GRIK4: variants seen among roughly 807,000 people sequenced by gnomAD.
GRIK4 encodes glutamate receptor ionotropic, kainate 4.
In GRIK4, 40 loss-of-function variants were observed where a neutral mutation model predicts 104.9. The ratio of observed to expected loss-of-function variants is 0.38; its 90% CI spans 0.30 to 0.50. GRIK4 has a LOEUF of 0.50. Ranked by LOEUF, GRIK4 falls within the 20% of genes least tolerant of loss-of-function variation. The pLI, the probability that GRIK4 is intolerant of heterozygous loss-of-function variation, is 0.93. For missense variants in GRIK4, 1,047 were observed against 1,308.1 expected (o/e 0.80, Z 3.08); for synonymous variants, 485 against 524.9 (o/e 0.92, Z 1.04).
chr11:120,848,672 G>T (rs1282881822), intron 8 of GRIK4, among the ~76,000 whole-genome samples: 1 of 152,160 alleles, frequency 6.6e-6, no homozygotes, highest in Non-Finnish European at 1.5e-5. Flanking sequence ...TATCCAGGGG[G>T]GAAATGAGGC....
intron 3 of GRIK4, among the ~76,000 whole-genome samples, chr11:120,752,999 G>T (rs550141448): frequency 6.6e-6 from 1 of 152,354 alleles, no homozygotes; most frequent in Admixed American, 6.5e-5. Context: ...CCTCTCCCTT[G>T]TGGCCTTCAA....
At chr11:120,818,172 G>A (rs1301592153) in intron 5 of GRIK4, among the ~76,000 whole-genome samples, 1 of 152,220 alleles carries the variant, frequency 6.6e-6, no homozygotes, top group Non-Finnish European at 1.5e-5. Context: ...GTACTAGGGG[G>A]TGCTAAGGGG....
chr11:120,825,972 G>A (rs1953247752), intron 6 of GRIK4, among the ~76,000 whole-genome samples: 3 of 152,236 alleles, frequency 2.0e-5, no homozygotes, highest in South Asian at 4.1e-4. Context: ...CCTGTGGGAG[G>A]CCTTTTGCTC....
intron 1 of GRIK4, among the ~76,000 whole-genome samples, chr11:120,534,611 T>C (rs1240447341): frequency 6.6e-6 from 1 of 152,054 alleles, no homozygotes; most frequent in Non-Finnish European, 1.5e-5. Flanking sequence ...TGGGGGATAG[T>C]CCATGGTGGA....
intron 1 of GRIK4, among the ~76,000 whole-genome samples, chr11:120,514,446 C>T (rs12361023): frequency 0.15 from 22,116 of 152,182 alleles, 2,205 homozygotes; most frequent in Middle Eastern, 0.23. Context: ...GGCCCCTGGA[C>T]GCTCAGTCCA....
At chr11:120,592,560 ATGTTTCTCT>A (rs963208334) in intron 1 of GRIK4, among the ~76,000 whole-genome samples, 1 of 152,016 alleles carries the variant, frequency 6.6e-6, no homozygotes, top group Non-Finnish European at 1.5e-5. Flanking sequence ...TTATCGAATG[ATGTTTCTCT>A]TGTGGACTCC....
At chr11:120,863,530 A>G (rs923151344) in intron 9 of GRIK4, among the ~76,000 whole-genome samples, 1 of 152,258 alleles carries the variant, frequency 6.6e-6, no homozygotes, top group Non-Finnish European at 1.5e-5. Context: ...TATTTGTTGA[A>G]TGAATGAGTG....
At chr11:120,556,548 T>C (rs745384231) in intron 1 of GRIK4, among the ~76,000 whole-genome samples, 6 of 152,112 alleles carry the variant, frequency 3.9e-5, no homozygotes, top group Non-Finnish European at 8.8e-5. Context: ...GGGGTGCGTT[T>C]AGGGTTTCTT....
chr11:120,658,790 C>T (rs1372344618), intron 2 of GRIK4, among the ~76,000 whole-genome samples: 1 of 129,884 alleles, frequency 7.7e-6, no homozygotes, highest in Non-Finnish European at 1.6e-5. Context: ...GCTCTGTCCC[C>T]CAGGCTGCAG....
At chr11:120,867,204 A>G (rs1014583252) in intron 9 of GRIK4, among the ~76,000 whole-genome samples, 5 of 152,098 alleles carry the variant, frequency 3.3e-5, no homozygotes, top group Non-Finnish European at 7.3e-5. Context: ...GACAATAGCA[A>G]CACACCTCTC....
intron 1 of GRIK4, among the ~76,000 whole-genome samples, chr11:120,514,596 A>G (rs953742831): frequency 5.3e-5 from 8 of 151,876 alleles, no homozygotes; most frequent in Non-Finnish European, 1.0e-4. Context: ...CCCCCACCCC[A>G]GGCCTGGTGG....
At chr11:120,554,106 T>G (rs1285145119) in intron 1 of GRIK4, among the ~76,000 whole-genome samples, 2 of 151,376 alleles carry the variant, frequency 1.3e-5, no homozygotes, top group Non-Finnish European at 2.9e-5. Context: ...ACAGCATCTA[T>G]AGTAGCCCTG....
chr11:120,572,018 A>G (rs998137531), intron 1 of GRIK4, among the ~76,000 whole-genome samples: 3 of 152,186 alleles, frequency 2.0e-5, no homozygotes, highest in Non-Finnish European at 2.9e-5. Context: ...TAAACAACAC[A>G]TATTTCTCAC....
intron 3 of GRIK4, among the ~76,000 whole-genome samples, chr11:120,785,425 A>G (rs1320977420): frequency 6.6e-6 from 1 of 152,222 alleles, no homozygotes. Context: ...TGGGAATATC[A>G]ATCAGGTATC....
chr11:120,550,816 G>A (rs537139019), intron 1 of GRIK4, among the ~76,000 whole-genome samples: 1 of 152,172 alleles, frequency 6.6e-6, no homozygotes, highest in Non-Finnish European at 1.5e-5. Context: ...GAGAGTGAGT[G>A]GGAGGAGAGG....
chr11:120,830,130 G>A (rs1207382219), intron 6 of GRIK4, among the ~76,000 whole-genome samples: 2 of 151,302 alleles, frequency 1.3e-5, no homozygotes, highest in Admixed American at 6.6e-5. Flanking sequence ...TCCCAGAGCT[G>A]TCTCTATCAG....
chr11:120,857,895 G>C (rs1954155812), intron 8 of GRIK4, among the ~76,000 whole-genome samples: 1 of 152,200 alleles, frequency 6.6e-6, no homozygotes, highest in African/African-American at 2.4e-5. Context: ...AACAAACAAT[G>C]CAACATGGGG....
At chr11:120,606,255 T>TA (rs1438972088) in intron 1 of GRIK4, among the ~76,000 whole-genome samples, 2 of 152,174 alleles carry the variant, frequency 1.3e-5, no homozygotes, top group Non-Finnish European at 2.9e-5. Context: ...AGTGTTGTAT[T>TA]AAATCCCCTC....
At chr11:120,535,083 C>A (rs1393238617) in intron 1 of GRIK4, among the ~76,000 whole-genome samples, 2 of 152,200 alleles carry the variant, frequency 1.3e-5, no homozygotes, top group East Asian at 3.8e-4. Flanking sequence ...CTGATTTCCA[C>A]GGTGTAAATA....
Sources: allele counts gnomAD v4.1 joint callset (sites outside exome capture counted in the v4.1 genomes callset), GRCh38; gene constraint gnomAD v4.1.1; transcripts MANE v1.5; gene names NCBI Gene and HGNC (gene_info 2026-07-23, HGNC 2026-07-21).